HRH4: variants seen among roughly 807,000 people sequenced by gnomAD.
HRH4 encodes histamine receptor H4.
HRH4 carries 12 observed loss-of-function variants against 10.4 expected under a neutral mutation model. That is an observed-to-expected ratio of 1.15 (90% CI 0.74 to 1.87). The LOEUF is 1.87. Ranked by LOEUF, HRH4 falls within the 40% of genes most tolerant of loss-of-function variation. The pLI is 0.00. For missense variants in HRH4, 415 were observed against 453.3 expected (o/e 0.92, Z 0.77); for synonymous variants, 154 against 166.6 (o/e 0.92, Z 0.58).
At chr18:24,468,202 T>C (rs1433578735) in intron 1 of HRH4, among the ~76,000 whole-genome samples, 1 of 152,082 alleles carries the variant, frequency 6.6e-6, no homozygotes, top group African/African-American at 2.4e-5. Flanking sequence ...TATACTTTAT[T>C]ATTTATTATT....
chr18:24,477,338 G>T lies in HRH4; in HGVS notation c.949G>T (p.Ala317Ser). The T allele has an allele frequency of 6.2e-7, 1 of 1,614,056 alleles. No homozygotes were observed. The highest frequency in any genetic ancestry group is 8.5e-7 in the Non-Finnish European group (1 of 1,179,974). ...ILLGVFAVCW[A>S]PYSLFTIVLS... is the part of the protein sequence containing the mutation. ...CTTAGGGGTTTTTGCTGTTTGCTGGGCTCCATATTCTCTGTTCACAATTGT... is the reference window on the plus strand; with the variant it reads ...CTTAGGGGTTTTTGCTGTTTGCTGGTCTCCATATTCTCTGTTCACAATTGT... Residue 317 changes from alanine to serine, a missense_variant, in exon 3 of 3, where the codon GCT (alanine) becomes TCT (serine). Transcript: ENST00000256906.
chr18:24,462,427 T>A (rs933323755), intron 1 of HRH4, among the ~76,000 whole-genome samples: 2 of 152,132 alleles, frequency 1.3e-5, no homozygotes, highest in Non-Finnish European at 2.9e-5. Flanking sequence ...TGGGGCGGCA[T>A]GCTTTCAGAG....
chr18:24,465,556 C>T (rs1341384641), intron 1 of HRH4, among the ~76,000 whole-genome samples: 1 of 152,134 alleles, frequency 6.6e-6, no homozygotes, highest in African/African-American at 2.4e-5. Context: ...CTTATCAGCT[C>T]CATTTGACCC....
In HRH4 at chr18:24,477,582, G is replaced by T; in HGVS notation, c.*20G>T. The T allele has an allele frequency of 6.7e-7, 1 of 1,489,626 alleles. No individual in the cohort carries two copies. The highest frequency in any genetic ancestry group is 2.3e-5 in the East Asian group (1 of 44,066). 92.3% of individuals were successfully genotyped at this position (1,489,626 alleles called of 1,614,324 possible). A position where few individuals can be genotyped will look rare whatever the true frequency, so the allele number is the denominator to read the frequency against. On this transcript the variant is annotated 3_prime_UTR_variant, in exon 3 of 3. Coordinates refer to ENST00000256906, the MANE Select transcript of HRH4 (RefSeq NM_021624.4). ...TCTTAAAGACAATTTTCTCACCTCT[G>T]TAAATTTTAGTCTCAATCTCACCTA...
chr18:24,470,102 T>C (rs931864229), intron 2 of HRH4, among the ~76,000 whole-genome samples: 6 of 152,168 alleles, frequency 3.9e-5, no homozygotes, highest in African/African-American at 1.4e-4. Context: ...ATTGTGCAGC[T>C]GGAGGTTGAC....
At chr18:24,470,365 T>C (rs1909899326) in intron 2 of HRH4, among the ~76,000 whole-genome samples, 2 of 152,160 alleles carry the variant, frequency 1.3e-5, no homozygotes, top group Admixed American at 1.3e-4. Flanking sequence ...TAGAACCTAC[T>C]GTTTCTGTTG....
chr18:24,460,848 T>C lies in HRH4; in HGVS notation c.120T>C (p.Phe40=). The C allele has an allele frequency of 6.3e-7, 1 of 1,590,842 alleles. No individual in the cohort carries two copies. The highest frequency in any genetic ancestry group is 1.3e-5 in the African/African-American group (1 of 74,868). The change falls in exon 1 of 3, where the codon TTT becomes TTC. Residue 40 remains phenylalanine (F), a synonymous_variant. Coordinates refer to ENST00000256906, the MANE Select transcript of HRH4 (RefSeq NM_021624.4). ...MLGNALVILA[F]VVDKNLRHRS... is the part of the protein sequence containing the mutation. ...GAAATGCTTTGGTCATTTTAGCTTT[T>C]GTGGTGGACAAAAACCTTAGACATC... is the stretch of plus-strand genomic sequence containing the variant.
At chr18:24,469,052 G>T in intron 2 of HRH4, 101 bp downstream of exon 2, 1 of 874,780 alleles carries the variant, frequency 1.1e-6, no homozygotes, top group Non-Finnish European at 1.7e-6. Flanking sequence ...TAATTTAATC[G>T]ACAGGCCTTA....
intron 2 of HRH4, among the ~76,000 whole-genome samples, chr18:24,474,877 GGTTTC>G (rs1260994203): frequency 6.6e-6 from 1 of 151,784 alleles, no homozygotes; most frequent in Non-Finnish European, 1.5e-5. Context: ...GTGGAGATGG[GGTTTC>G]ACCATGTTGG....
At chr18:24,470,530 G>A (rs1045998553) in intron 2 of HRH4, among the ~76,000 whole-genome samples, 22 of 139,350 alleles carry the variant, frequency 1.6e-4, no homozygotes, top group African/African-American at 4.9e-4. Flanking sequence ...TGGAGACAGG[G>A]TCTCACTGTG....
chr18:24,477,143 A>G lies in HRH4; in HGVS notation c.754A>G (p.Arg252Gly), dbSNP rs778380714. The stretch of plus-strand genomic sequence containing the variant: ...AGTTCCTGCATCCTTTCATTCAGAG[A>G]GACAGAGGAGAAAGAGTAGTCTCAT... ...TEVPASFHSE[R>G]QRRKSSLMFS... is the part of the protein sequence containing the mutation. The change falls in exon 3 of 3, where the codon AGA becomes GGA. Residue 252 changes from arginine (R) to glycine (G), a missense_variant. Physicochemically the swap from Arg to Gly is moderately radical, Grantham distance 125. Coordinates refer to ENST00000256906, the MANE Select transcript of HRH4 (RefSeq NM_021624.4). The G allele has an allele frequency of 5.0e-6, 8 of 1,614,204 alleles. No individual in the cohort carries two copies. Among genetic ancestry groups the G allele is most frequent in the South Asian group, 3.3e-5 (3 of 91,092 alleles).
intron 1 of HRH4, among the ~76,000 whole-genome samples, chr18:24,466,150 T>C (rs1296122426): frequency 1.3e-5 from 2 of 151,942 alleles, no homozygotes; most frequent in African/African-American, 4.8e-5. Flanking sequence ...TCTCACTCTG[T>C]TGCCCAGGCT....
chr18:24,472,664 G>A (rs1910003546), intron 2 of HRH4, among the ~76,000 whole-genome samples: 2 of 152,154 alleles, frequency 1.3e-5, no homozygotes, highest in East Asian at 3.8e-4. Flanking sequence ...CAGTGTGATA[G>A]GGGAAAGGGA....
intron 2 of HRH4, among the ~76,000 whole-genome samples, chr18:24,473,256 A>G (rs1459400768): frequency 6.6e-6 from 1 of 152,226 alleles, no homozygotes; most frequent in Non-Finnish European, 1.5e-5. Context: ...AATCAAGACC[A>G]CAGGAAATCT....
At chr18:24,475,694 T>G (rs528403629) in intron 2 of HRH4, among the ~76,000 whole-genome samples, 5 of 152,242 alleles carry the variant, frequency 3.3e-5, no homozygotes, top group African/African-American at 1.2e-4. Context: ...CAATGTAGTA[T>G]TTATCTGCAG....
Position 24,477,002 on chromosome 18 carries a change from G to C in HRH4, c.613G>C (p.Asp205His). The change falls in exon 3 of 3, where the codon GAT becomes CAT. Residue 205 changes from aspartate to histidine, a missense_variant. Coordinates refer to ENST00000256906, the MANE Select transcript of HRH4 (RefSeq NM_021624.4). The stretch of plus-strand genomic sequence containing the variant: ...TATTTATTGGAGCCTGTGGAAGCGT[G>C]ATCATCTCAGTAGGTGCCAAAGCCA... ...MNIYWSLWKRDHLSRCQSHPG... is the reference protein window; with the variant it reads ...MNIYWSLWKRHHLSRCQSHPG... The C allele has an allele frequency of 6.2e-7, 1 of 1,614,212 alleles. No homozygotes were observed. The highest frequency in any genetic ancestry group is 1.3e-5 in the African/African-American group (1 of 75,046).
chr18:24,460,937 T>G lies in HRH4; in HGVS notation c.193+16T>G, dbSNP rs749841611. The G allele has an allele frequency of 7.5e-6, 11 of 1,467,794 alleles. No homozygotes were observed. The highest frequency in any genetic ancestry group is 3.6e-4 in the Middle Eastern group (2 of 5,596). The allele number at this position is 1,467,794 out of a possible 1,614,324, so 90.9% of individuals were successfully genotyped here. A position where few individuals can be genotyped will look rare whatever the true frequency, so the allele number is the denominator to read the frequency against. On this transcript the variant is annotated intron_variant, in intron 1 of 2. Coordinates refer to ENST00000256906, the MANE Select transcript of HRH4 (RefSeq NM_021624.4). ...TTCTTTGTGGGTAAGTTATATGTCT[T>G]TATTTAAGACAGTCTTTTCCGATTT...
chr18:24,476,928 T>C lies in HRH4; in HGVS notation c.539T>C (p.Phe180Ser), dbSNP rs1389020635. The change falls in exon 3 of 3, where the codon TTC becomes TCC. Residue 180 changes from phenylalanine to serine, a missense_variant. Transcript: ENST00000256906. Reference protein sequence around the residue: ...SEWYILAITSFLEFVIPVILV... With the variant: ...SEWYILAITSSLEFVIPVILV... ...TGGTACATCCTTGCCATCACATCAT[T>C]CTTGGAATTCGTGATCCCAGTCATC... 1.9e-6 allele frequency: 3 copies of C among 1,614,184 alleles called. No individual in the cohort carries two copies. Among genetic ancestry groups the C allele is most frequent in the Non-Finnish European group, 2.5e-6 (3 of 1,180,024 alleles).
At chr18:24,476,630 C>A (rs1430640520) in intron 2 of HRH4, 117 bp from the exon 3 acceptor site, 3 of 745,736 alleles carry the variant, frequency 4.0e-6, no homozygotes, top group East Asian at 5.2e-5. Context: ...TCGTGATACC[C>A]AGGTTAGTTA....
Sources: gnomAD v4.1 joint callset for allele counts (sites outside exome capture counted in the v4.1 genomes callset) on GRCh38, gnomAD v4.1.1 for gene constraint, MANE v1.5 for transcripts, NCBI Gene and HGNC (gene_info 2026-07-23, HGNC 2026-07-21) for gene names.